Variants in MITF observed in about 807,000 individuals in gnomAD.
MITF encodes microphthalmia-associated transcription factor.
MITF carries 17 observed loss-of-function variants against 60.5 expected under a neutral mutation model. That is an observed-to-expected ratio of 0.28 (90% CI 0.19 to 0.42). The LOEUF is 0.42. Ranked by LOEUF, MITF falls within the 10% of genes least tolerant of loss-of-function variation. The pLI is 1.00. For missense variants in MITF, 622 were observed against 683.5 expected, an observed-to-expected ratio of 0.91 and a Z score of 1.00; for synonymous variants, 260 against 248.5, an observed-to-expected ratio of 1.05 and a Z score of -0.43.
At chr3:69,931,222 C>T (rs189697325) in intron 2 of MITF, among the ~76,000 whole-genome samples, 3 of 152,288 alleles carry the variant, frequency 2.0e-5, no homozygotes, top group Non-Finnish European at 2.9e-5. Context: ...TTTAAAACAT[C>T]GTGCTATATA....
At chr3:69,950,627 G>GCATATATA (rs2066225483) in intron 6 of MITF, among the ~76,000 whole-genome samples, 1 of 138,044 alleles carries the variant, frequency 7.2e-6, no homozygotes, top group African/African-American at 2.7e-5. Flanking sequence ...TATATGGTGT[G>GCATATATA]TATATATATA....
intron 1 of MITF, among the ~76,000 whole-genome samples, chr3:69,832,766 T>C (rs913023547): frequency 1.3e-5 from 2 of 152,222 alleles, no homozygotes; most frequent in Non-Finnish European, 2.9e-5. Flanking sequence ...ATTTACACTA[T>C]ATGTGTTTTT....
At chr3:69,776,017 A>G (rs1177518191) in intron 1 of MITF, among the ~76,000 whole-genome samples, 1 of 152,238 alleles carries the variant, frequency 6.6e-6, no homozygotes. Flanking sequence ...ATCTATGAAT[A>G]GTCACACCCT....
intron 2 of MITF, among the ~76,000 whole-genome samples, chr3:69,905,128 G>A (rs375460673): frequency 6.6e-6 from 1 of 151,916 alleles, no homozygotes; most frequent in Admixed American, 6.6e-5. Context: ...TTCCCAGCTT[G>A]GCCCTACTCC....
intron 2 of MITF, among the ~76,000 whole-genome samples, chr3:69,917,636 T>C (rs2065365633): frequency 6.6e-6 from 1 of 152,166 alleles, no homozygotes; most frequent in Admixed American, 6.5e-5. Context: ...TAGCTGCAAG[T>C]ATTCCCTGGA....
chr3:69,824,333 C>T (rs1341941919), intron 1 of MITF, among the ~76,000 whole-genome samples: 1 of 152,134 alleles, frequency 6.6e-6, no homozygotes, highest in Non-Finnish European at 1.5e-5. Context: ...CTCACAAGAA[C>T]ATGTCAATAT....
chr3:69,829,456 A>G (rs1288771785), intron 1 of MITF, among the ~76,000 whole-genome samples: 1 of 152,186 alleles, frequency 6.6e-6, no homozygotes, highest in Non-Finnish European at 1.5e-5. Context: ...TTTAACTGTG[A>G]CTTTTGATCC....
At chr3:69,808,218 A>AC (rs2063042302) in intron 1 of MITF, among the ~76,000 whole-genome samples, 1 of 151,486 alleles carries the variant, frequency 6.6e-6, no homozygotes, top group Non-Finnish European at 1.5e-5. Context: ...TGACTACTTG[A>AC]TATAATTGTA....
At chr3:69,820,048 T>A (rs1184598850) in intron 1 of MITF, among the ~76,000 whole-genome samples, 1 of 152,210 alleles carries the variant, frequency 6.6e-6, no homozygotes, top group East Asian at 1.9e-4. Flanking sequence ...CCTTGAAATG[T>A]GGCTAGCCCA....
chr3:69,908,101 T>C (rs1446505862), intron 2 of MITF, among the ~76,000 whole-genome samples: 1 of 151,214 alleles, frequency 6.6e-6, no homozygotes, highest in Non-Finnish European at 1.5e-5. Flanking sequence ...CCTTTTGATC[T>C]TGCTATAGAA....
At chr3:69,768,099 A>G (rs902764810) in intron 1 of MITF, among the ~76,000 whole-genome samples, 1 of 152,210 alleles carries the variant, frequency 6.6e-6, no homozygotes, top group Non-Finnish European at 1.5e-5. Context: ...GTCTCTGCCC[A>G]CAATCAAGCA....
chr3:69,920,200 C>A (rs186843690), intron 2 of MITF, among the ~76,000 whole-genome samples: 4 of 152,306 alleles, frequency 2.6e-5, no homozygotes, highest in South Asian at 2.1e-4. Context: ...CTTGGTCTAG[C>A]GGTGATGCCA....
At chr3:69,776,565 G>T (rs2062476532) in intron 1 of MITF, among the ~76,000 whole-genome samples, 2 of 152,190 alleles carry the variant, frequency 1.3e-5, no homozygotes, top group African/African-American at 2.4e-5. Flanking sequence ...ACAACTTGTG[G>T]TTCATGGTAA....
chr3:69,873,189 A>G (rs1397210926), intron 1 of MITF, among the ~76,000 whole-genome samples: 4 of 152,176 alleles, frequency 2.6e-5, no homozygotes, highest in South Asian at 4.1e-4. Flanking sequence ...TCACATTTAC[A>G]TGGGTTACAC....
intron 8 of MITF, 105 bp downstream of exon 8, chr3:69,956,635 C>G (rs1042542065): frequency 2.3e-6 from 2 of 885,460 alleles, no homozygotes; most frequent in South Asian, 1.4e-5. Context: ...AAAGAAGTCT[C>G]CCCTCTCCCT....
At chr3:69,756,030 A>C (rs1248556215) in intron 1 of MITF, among the ~76,000 whole-genome samples, 3 of 152,230 alleles carry the variant, frequency 2.0e-5, no homozygotes, top group African/African-American at 7.2e-5. Context: ...TCATTGCCTT[A>C]TCACTGTTGA....
At chr3:69,939,052 A>C (rs776844735) in intron 3 of MITF, 46 bp from the exon 4 acceptor site, 7 of 1,604,424 alleles carry the variant, frequency 4.4e-6, no homozygotes, top group Non-Finnish European at 5.1e-6. Flanking sequence ...TTAAAAAGTC[A>C]TTTGCAAATC....
chr3:69,937,434 A>T (rs1385091493), intron 2 of MITF, among the ~76,000 whole-genome samples: 1 of 151,252 alleles, frequency 6.6e-6, no homozygotes, highest in Non-Finnish European at 1.5e-5. Flanking sequence ...CTGTTCGCCA[A>T]GGAAAGTGAA....
At chr3:69,893,451 A>G (rs1488101830) in intron 2 of MITF, among the ~76,000 whole-genome samples, 1 of 152,094 alleles carries the variant, frequency 6.6e-6, no homozygotes, top group African/African-American at 2.4e-5. Flanking sequence ...CAGAGATAAT[A>G]AAGGTCCCTA....
Sources: allele counts gnomAD v4.1 joint callset (sites outside exome capture counted in the v4.1 genomes callset), GRCh38; gene constraint gnomAD v4.1.1; transcripts MANE v1.5; gene names NCBI Gene and HGNC (gene_info 2026-07-23, HGNC 2026-07-21).